Variants in TMOD2 observed in about 807,000 individuals in gnomAD.
The protein encoded by TMOD2 is tropomodulin-2.
TMOD2 carries 22 observed loss-of-function variants against 39.9 expected under a neutral mutation model. The ratio of observed to expected loss-of-function variants is 0.55; its 90% confidence interval spans 0.39 to 0.79. TMOD2 has a LOEUF of 0.79. TMOD2 is among the 30% of genes least tolerant of loss of function. TMOD2 has a pLI of 0.00. For synonymous variants in TMOD2, 123 were observed against 146.1 expected (o/e 0.84, Z 1.14); for missense variants, 386 against 413.3 (o/e 0.93, Z 0.57).
chr15:51,773,903 G>C, intron 4 of TMOD2, 69 bp downstream of exon 4: 1 of 1,519,128 alleles, frequency 6.6e-7, no homozygotes, highest in Non-Finnish European at 8.8e-7. Flanking sequence ...GGCACCCATG[G>C]CAGCAGGCTT....
At chr15:51,776,650 C>A (rs1595868007) in intron 4 of TMOD2, among the ~76,000 whole-genome samples, 1 of 152,258 alleles carries the variant, frequency 6.6e-6, no homozygotes, top group East Asian at 1.9e-4. Context: ...GAGGTCTAGG[C>A]AGATTTTCGG....
chr15:51,794,054 C>T (rs2056030998), intron 7 of TMOD2, among the ~76,000 whole-genome samples: 1 of 152,198 alleles, frequency 6.6e-6, no homozygotes, highest in Non-Finnish European at 1.5e-5. Context: ...TTCTTCTAGT[C>T]CAGTGGTTCT....
chr15:51,767,320 C>T (rs867688004), intron 2 of TMOD2, among the ~76,000 whole-genome samples: 2 of 152,324 alleles, frequency 1.3e-5, no homozygotes, highest in African/African-American at 4.8e-5. Context: ...GCCACCACAC[C>T]CGGCCCCAAA....
At chr15:51,803,386 C>A (rs1303471547) in intron 8 of TMOD2, among the ~76,000 whole-genome samples, 1 of 151,938 alleles carries the variant, frequency 6.6e-6, no homozygotes, top group Non-Finnish European at 1.5e-5. Context: ...TCACCATGTT[C>A]ACCAGGTTGG....
chr15:51,785,208 C>T (rs1471262642), intron 7 of TMOD2, among the ~76,000 whole-genome samples: 18 of 151,328 alleles, frequency 1.2e-4, no homozygotes, highest in Admixed American at 8.6e-4. Context: ...GTCAGGAGAT[C>T]GAGACCATCC....
chr15:51,806,517 C>G lies in TMOD2; in HGVS notation c.1017C>G (p.Asp339Glu). The change falls in exon 9 of 10, where the codon GAC (aspartate) becomes GAG (glutamate). Residue 339 changes from aspartate (D) to glutamate (E), a missense_variant. By Grantham distance (45) the Asp-to-Glu change is conservative (BLOSUM62 2). Transcript: ENST00000249700. The part of the protein sequence containing the change: ...RVAAAITKNN[D>E]LVRKKRVEAD... ...CAGCTGCCATCACAAAGAATAATGA[C>G]CTGGGTAATTCAGCCATAATATTTG... 1 of 1,614,092 alleles carries G rather than the reference C, an allele frequency of 6.2e-7. No homozygotes were observed. The highest frequency in any genetic ancestry group is 8.5e-7 in the Non-Finnish European group (1 of 1,179,982).
chr15:51,766,412 A>G lies in TMOD2; in HGVS notation c.-30A>G, dbSNP rs1159983437. On this transcript the variant is annotated 5_prime_UTR_variant, in exon 2 of 10. The change abolishes an upstream ATG in the 5' untranslated region. Coordinates refer to ENST00000249700, the MANE Select transcript of TMOD2 (RefSeq NM_014548.4). ...AGGAAACTGGACCATTTAAATGTGC[A>G]TGGCCCATGAGAAAGGCTTATAAGA... The G allele has an allele frequency of 2.5e-6, 4 of 1,608,424 alleles. No individual in the cohort carries two copies. The highest frequency in any genetic ancestry group is 3.4e-6 in the Non-Finnish European group (4 of 1,177,338).
chr15:51,752,640 G>A (rs564324223), intron 1 of TMOD2: 1 of 152,342 alleles, frequency 6.6e-6, no homozygotes, highest in African/African-American at 2.4e-5. Context: ...ATGTAAAGGG[G>A]CGTTTGGGCT....
intron 1 of TMOD2, among the ~76,000 whole-genome samples, chr15:51,763,197 CCAAAA>C (rs2055793540): frequency 6.6e-6 from 1 of 152,208 alleles, no homozygotes; most frequent in Non-Finnish European, 1.5e-5. Context: ...CCTCAGCCTC[CCAAAA>C]CATTGGGACT....
At chr15:51,760,682 T>G (rs865890750) in intron 1 of TMOD2, among the ~76,000 whole-genome samples, 2 of 152,162 alleles carry the variant, frequency 1.3e-5, no homozygotes, top group South Asian at 2.1e-4. Flanking sequence ...GGTGCATGCC[T>G]GTAATCGCAG....
intron 4 of TMOD2, among the ~76,000 whole-genome samples, chr15:51,775,359 G>A (rs1467908775): frequency 6.6e-6 from 1 of 152,164 alleles, no homozygotes; most frequent in African/African-American, 2.4e-5. Flanking sequence ...TTGGAGCAAA[G>A]TGGTGGGAAC....
rs763720578 is a variant in TMOD2 at position 51,773,841 on chromosome 15, C to T, written c.406+7C>T. On this transcript the variant is annotated splice_region_variant and intron_variant, in intron 4 of 9. Coordinates refer to ENST00000249700, the MANE Select transcript of TMOD2 (RefSeq NM_014548.4). Reference sequence around the variant, plus strand: ...GAACTCTATGATCTTGCAGGTTAGTCCTGAACTCTGGGAACTTTCCTGTCT... The same window carrying T: ...GAACTCTATGATCTTGCAGGTTAGTTCTGAACTCTGGGAACTTTCCTGTCT... 2 of 1,596,888 alleles carry T rather than the reference C, an allele frequency of 1.3e-6. No homozygotes were observed. The highest frequency in any genetic ancestry group is 2.2e-5 in the East Asian group (1 of 44,766).
chr15:51,796,211 G>C (rs956754842), intron 7 of TMOD2, among the ~76,000 whole-genome samples: 11 of 151,970 alleles, frequency 7.2e-5, no homozygotes, highest in African/African-American at 2.7e-4. Flanking sequence ...TTCTCCATTT[G>C]TCACCATCTG....
chr15:51,779,759 C>A (rs1474137860), intron 5 of TMOD2, among the ~76,000 whole-genome samples: 2 of 152,112 alleles, frequency 1.3e-5, no homozygotes, highest in African/African-American at 4.8e-5. Flanking sequence ...AGGCTCACTG[C>A]AGCCTCAAAC....
Position 51,782,778 on chromosome 15 carries a change from G to T in TMOD2, c.682G>T (p.Val228Leu). Reference sequence around the variant, plus strand: ...AAAGGCTCTGGAGACCAACACTCACGTGAAGAAGTTCAGCCTGGCCGCAAC... The same window carrying T: ...AAAGGCTCTGGAGACCAACACTCACTTGAAGAAGTTCAGCCTGGCCGCAAC... ...FAKALETNTH[V>L]KKFSLAATRS... The change falls in exon 7 of 10, where the codon GTG becomes TTG. Residue 228 changes from valine to leucine, a missense_variant. Transcript: ENST00000249700. 1 of 1,614,008 alleles carries T rather than the reference G, an allele frequency of 6.2e-7. No individual in the cohort carries two copies. Among genetic ancestry groups the T allele is most frequent in the African/African-American group, 1.3e-5 (1 of 75,032 alleles).
chr15:51,765,400 G>A (rs1047979676), intron 1 of TMOD2, among the ~76,000 whole-genome samples: 1 of 152,236 alleles, frequency 6.6e-6, no homozygotes, highest in Non-Finnish European at 1.5e-5. Flanking sequence ...TCTTCTTGGG[G>A]AAAGGTGGCA....
chr15:51,802,772 C>T (rs1463565524), intron 8 of TMOD2, among the ~76,000 whole-genome samples: 1 of 152,134 alleles, frequency 6.6e-6, no homozygotes, highest in African/African-American at 2.4e-5. Context: ...CCACTCCCTC[C>T]CATTTACTCA....
chr15:51,786,742 A>T (rs1043142660), intron 7 of TMOD2, among the ~76,000 whole-genome samples: 1 of 152,236 alleles, frequency 6.6e-6, no homozygotes, highest in Non-Finnish European at 1.5e-5. Context: ...TCCCCACTGA[A>T]TGCCAATGAG....
intron 8 of TMOD2, among the ~76,000 whole-genome samples, chr15:51,801,818 A>C (rs1023724846): frequency 6.6e-6 from 1 of 152,108 alleles, no homozygotes; most frequent in East Asian, 1.9e-4. Context: ...TTAAAATATA[A>C]AAAGAGCCTG....
Sources: gnomAD v4.1 joint callset for allele counts (sites outside exome capture counted in the v4.1 genomes callset) on GRCh38, gnomAD v4.1.1 for gene constraint, MANE v1.5 for transcripts, NCBI Gene and HGNC (gene_info 2026-07-23, HGNC 2026-07-21) for gene names.